The following PGGT1B variants were observed in gnomAD, a reference collection of about 807,000 sequenced individuals.
PGGT1B encodes protein geranylgeranyltransferase type I subunit beta, also known as geranylgeranyl transferase type-1 subunit beta.
PGGT1B carries 30 observed loss-of-function variants against 46.1 expected under a neutral mutation model. The ratio of observed to expected loss-of-function variants is 0.65; its 90% CI spans 0.49 to 0.88. The LOEUF (loss-of-function observed/expected upper bound fraction) is 0.88. PGGT1B is among the 40% of genes least tolerant of loss of function. The pLI is 0.00. For synonymous variants in PGGT1B, 170 were observed against 160.0 expected, an observed-to-expected ratio of 1.06 and a Z score of -0.47; for missense variants, 376 against 455.9, an observed-to-expected ratio of 0.82 and a Z score of 1.60.
In PGGT1B at chr5:115,219,248, G is replaced by A. The variant is rs969995972; in HGVS notation, c.844-2275C>T. Reference sequence around the variant, plus strand: ...ACAGTATAGTACTGGCACAAGGGCAGCCATATAAAACAACAGAATAAAATA... The same window carrying A: ...ACAGTATAGTACTGGCACAAGGGCAACCATATAAAACAACAGAATAAAATA... On this transcript the variant is annotated intron_variant, in intron 7 of 8. Coordinates refer to ENST00000419445, the MANE Select transcript of PGGT1B (RefSeq NM_005023.4). 2.0e-5 allele frequency among the ~76,000 whole-genome samples: 3 copies of A among 151,828 alleles called. No homozygotes were observed. The East Asian group carries it at 5.8e-4, about 29-fold the overall frequency.
In PGGT1B at chr5:115,244,585, G is replaced by A. The variant is rs181133768; in HGVS notation, c.260-2979C>T. ...AGTTATCTTTCTCTTACCAAGTTAT[G>A]AATTCATTTATCCTTTTTATTTTTG... On this transcript the variant is annotated intron_variant, in intron 2 of 8. Coordinates refer to ENST00000419445, the MANE Select transcript of PGGT1B (RefSeq NM_005023.4). 7.4e-5 allele frequency among the ~76,000 whole-genome samples: 11 copies of A among 147,984 alleles called. 1 individual carries two copies. Among genetic ancestry groups the A allele is most frequent in the East Asian group, 2.1e-4 (1 of 4,862 alleles).
chr5:115,247,122 C>T (rs757693910), intron 2 of PGGT1B, among the ~76,000 whole-genome samples: 36 of 152,118 alleles, frequency 2.4e-4, no homozygotes, highest in Admixed American at 1.3e-4. Flanking sequence ...TCATATGTCA[C>T]TTTAAAACTT....
chr5:115,241,384 A>G (rs1757339956), intron 3 of PGGT1B, among the ~76,000 whole-genome samples, 155 bp downstream of exon 3: 1 of 152,124 alleles, frequency 6.6e-6, no homozygotes, highest in Non-Finnish European at 1.5e-5. Flanking sequence ...TTTCCTTTAA[A>G]GGATTTCAGT....
At chr5:115,262,156 G>A (rs1748584632) in intron 1 of PGGT1B, among the ~76,000 whole-genome samples, 2 of 152,198 alleles carry the variant, frequency 1.3e-5, no homozygotes, top group Non-Finnish European at 2.9e-5. Context: ...AGTCTCTGCC[G>A]CACCACACTC....
intron 3 of PGGT1B, among the ~76,000 whole-genome samples, chr5:115,240,719 T>A (rs1418810332): frequency 6.6e-6 from 1 of 152,204 alleles, no homozygotes; most frequent in Non-Finnish European, 1.5e-5. Context: ...ACGGAAAAAC[T>A]GGTAGCTCTC....
Position 115,207,870 on chromosome 5 carries a change from G to A in PGGT1B, c.*4532C>T, listed in dbSNP as rs1207621298. On this transcript the variant is annotated 3_prime_UTR_variant, in exon 9 of 9. Transcript: ENST00000419445. ...TCAGCTGGAAAGTCTCCTTTGCTTT[G>A]AAATTTAAGATGCTGGCTTTTAGGT... The A allele has an allele frequency of 6.6e-6, 1 of 152,062 alleles. No homozygotes were observed. The highest frequency in any genetic ancestry group is 1.5e-5 in the Non-Finnish European group (1 of 67,962). 9.4% of individuals were successfully genotyped at this position (152,062 alleles called of 1,614,324 possible). A position where few individuals can be genotyped will look rare whatever the true frequency, so the allele number is the denominator to read the frequency against.
rs1756007306 is a variant in PGGT1B, at chr5:115,204,500, C to A, written c.*7902G>T. 6.6e-6 allele frequency: 1 copy of A among 152,054 alleles called. No individual in the cohort carries two copies. The highest frequency in any genetic ancestry group is 1.5e-5 in the Non-Finnish European group (1 of 67,992). 9.4% of individuals were successfully genotyped at this position (152,054 alleles called of 1,614,324 possible). Reference sequence around the variant, plus strand: ...AGCACATATAAAGAATTAACCTCCCCCCAAACTTATTAGAACTTGATTTCC... The same window carrying A: ...AGCACATATAAAGAATTAACCTCCCACCAAACTTATTAGAACTTGATTTCC... On this transcript the variant is annotated 3_prime_UTR_variant, in exon 9 of 9. Coordinates refer to ENST00000419445, the MANE Select transcript of PGGT1B (RefSeq NM_005023.4).
chr5:115,211,720 A>T lies in PGGT1B; in HGVS notation c.*682T>A, dbSNP rs2126984099. The T allele has an allele frequency of 6.6e-6, 1 of 152,124 alleles. No homozygotes were observed. The highest frequency in any genetic ancestry group is 3.4e-3 in the Middle Eastern group (1 of 294). The allele number at this position is 152,124 out of a possible 1,614,324, so 9.4% of individuals were successfully genotyped here. On this transcript the variant is annotated 3_prime_UTR_variant, in exon 9 of 9. Transcript: ENST00000419445. The stretch of plus-strand genomic sequence containing the variant: ...CATAGCACAAAACTTTCTCATTCAC[A>T]ATCACATACAGTTAAGTTGCTTTTC...
intron 2 of PGGT1B, among the ~76,000 whole-genome samples, chr5:115,251,868 C>T (rs1748116750): frequency 6.6e-6 from 1 of 151,904 alleles, no homozygotes; most frequent in African/African-American, 2.4e-5. Flanking sequence ...AATAATTCTA[C>T]CATACCTCAG....
chr5:115,262,861 G>A lies in PGGT1B; in HGVS notation c.-10C>T, dbSNP rs1359651221. 1 of 1,611,512 alleles carries A rather than the reference G, an allele frequency of 6.2e-7. No homozygotes were observed. The highest frequency in any genetic ancestry group is 8.5e-7 in the Non-Finnish European group (1 of 1,179,624). ...CCTCAGTGGCCGCCATGCTGCTCCG[G>A]AAGCGACGTCCGCCGCGACCCGGAA... On this transcript the variant is annotated 5_prime_UTR_variant, in exon 1 of 9. Transcript: ENST00000419445.
chr5:115,239,941 T>C (rs532404522), intron 3 of PGGT1B, among the ~76,000 whole-genome samples: 2 of 152,180 alleles, frequency 1.3e-5, no homozygotes, highest in Non-Finnish European at 2.9e-5. Context: ...GGTCCATAGG[T>C]AGTTTGGTGG....
chr5:115,225,900 C>G (rs886312522), intron 6 of PGGT1B, among the ~76,000 whole-genome samples: 1 of 152,102 alleles, frequency 6.6e-6, no homozygotes, highest in Admixed American at 6.6e-5. Context: ...CCACCCACAT[C>G]GGCCTCCCAA....
intron 2 of PGGT1B, among the ~76,000 whole-genome samples, chr5:115,242,108 G>C (rs1347091454): frequency 6.6e-6 from 1 of 152,180 alleles, no homozygotes; most frequent in Admixed American, 6.5e-5. Flanking sequence ...TATGTACTTT[G>C]TATTTCCACA....
At chr5:115,232,257 T>C (rs1002334165) in intron 5 of PGGT1B, among the ~76,000 whole-genome samples, 1 of 152,014 alleles carries the variant, frequency 6.6e-6, no homozygotes, top group Admixed American at 6.6e-5. Flanking sequence ...AGGTGAAACA[T>C]CTATAAGCAA....
chr5:115,246,827 G>A (rs1264630889), intron 2 of PGGT1B, among the ~76,000 whole-genome samples: 1 of 152,124 alleles, frequency 6.6e-6, no homozygotes, highest in African/African-American at 2.4e-5. Flanking sequence ...GAACTATAGA[G>A]TCAAACTTGT....
intron 2 of PGGT1B, among the ~76,000 whole-genome samples, chr5:115,246,149 C>T (rs774618669): frequency 5.3e-5 from 8 of 152,098 alleles, no homozygotes; most frequent in Non-Finnish European, 1.0e-4. Flanking sequence ...GTCAGGAGTT[C>T]GAGACCAGCC....
chr5:115,213,436 A>G (rs1433215595), intron 8 of PGGT1B, among the ~76,000 whole-genome samples: 2 of 152,096 alleles, frequency 1.3e-5, no homozygotes, highest in Non-Finnish European at 2.9e-5. Flanking sequence ...ATTTTTTTCT[A>G]TTTTTGAATT....
At chr5:115,255,566 T>A (rs1373496923) in intron 1 of PGGT1B, among the ~76,000 whole-genome samples, 1 of 152,184 alleles carries the variant, frequency 6.6e-6, no homozygotes, top group Non-Finnish European at 1.5e-5. Flanking sequence ...ATTAAAGCGT[T>A]ATTAAGGAAA....
intron 1 of PGGT1B, among the ~76,000 whole-genome samples, chr5:115,261,520 C>T (rs531905091): frequency 1.3e-5 from 2 of 152,302 alleles, no homozygotes; most frequent in East Asian, 3.9e-4. Context: ...AAAAGAATCA[C>T]TTAATTTTTA....
Sources: allele counts gnomAD v4.1 joint callset (sites outside exome capture counted in the v4.1 genomes callset), GRCh38; gene constraint gnomAD v4.1.1; transcripts MANE v1.5; gene names NCBI Gene and HGNC (gene_info 2026-07-23, HGNC 2026-07-21).